The following SLC4A10 variants were observed in gnomAD, a reference collection of about 807,000 sequenced individuals.
SLC4A10 encodes the protein sodium-driven chloride bicarbonate exchanger.
SLC4A10 carries 42 observed loss-of-function variants against 137.7 expected under a neutral mutation model. The observed-to-expected ratio is 0.30, with a 90% CI of 0.24 to 0.39. SLC4A10 has a LOEUF of 0.39. SLC4A10 is among the 10% of genes least tolerant of loss of function. The pLI is 1.00. For missense variants in SLC4A10, 925 were observed against 1,355.0 expected (o/e 0.68, Z 4.98); for synonymous variants, 474 against 464.1 (o/e 1.02, Z -0.27).
intron 16 of SLC4A10, among the ~76,000 whole-genome samples, chr2:161,943,769 A>G (rs1181024114): frequency 6.6e-6 from 1 of 152,020 alleles, no homozygotes; most frequent in African/African-American, 2.4e-5. Flanking sequence ...TATCAGCACA[A>G]AACTATTGAG....
At chr2:161,773,509 A>G (rs921951778) in intron 2 of SLC4A10, among the ~76,000 whole-genome samples, 1 of 151,924 alleles carries the variant, frequency 6.6e-6, no homozygotes, top group Admixed American at 6.6e-5. Flanking sequence ...GCTATTACAG[A>G]TAAACGCGTT....
At chr2:161,786,529 C>T (rs2053641967) in intron 2 of SLC4A10, among the ~76,000 whole-genome samples, 1 of 151,398 alleles carries the variant, frequency 6.6e-6, no homozygotes, top group Non-Finnish European at 1.5e-5. Context: ...CTTATATGAG[C>T]TTTTATGACA....
At chr2:161,927,457 A>C (rs542629341) in intron 15 of SLC4A10, among the ~76,000 whole-genome samples, 11 of 152,252 alleles carry the variant, frequency 7.2e-5, no homozygotes, top group Non-Finnish European at 1.3e-4. Context: ...GGACATAGGC[A>C]TGGGCAAGGA....
chr2:161,911,681 T>C (rs1685884327), intron 15 of SLC4A10, among the ~76,000 whole-genome samples: 1 of 152,132 alleles, frequency 6.6e-6, no homozygotes, highest in African/African-American at 2.4e-5. Context: ...TAATGGTAAA[T>C]CATGGCTATT....
Position 161,879,193 on chromosome 2 carries a change from A to T in SLC4A10, c.1011A>T (p.Gly337=). The change falls in exon 9 of 27, where the codon GGA becomes GGT. Residue 337 remains glycine, a synonymous_variant. Coordinates refer to ENST00000446997, the MANE Select transcript of SLC4A10 (RefSeq NM_001178015.2). The part of the protein sequence containing the change: ...PGAEASNILV[G]ELEFLDRTVV... ...CTGAAGCATCGAACATCTTAGTGGG[A>T]GAACTGGAGTTCTTGGATCGAACAG... is the stretch of plus-strand genomic sequence containing the variant. 6.2e-7 allele frequency: 1 copy of T among 1,613,578 alleles called. No homozygotes were observed. The highest frequency in any genetic ancestry group is 8.5e-7 in the Non-Finnish European group (1 of 1,179,620).
chr2:161,802,127 A>G (rs978578537), intron 2 of SLC4A10, among the ~76,000 whole-genome samples: 1 of 152,094 alleles, frequency 6.6e-6, no homozygotes, highest in Admixed American at 6.6e-5. Context: ...ATAATTTTTC[A>G]CTTGCCTGCA....
chr2:161,814,467 C>A (rs900637807), intron 3 of SLC4A10, among the ~76,000 whole-genome samples: 4 of 152,188 alleles, frequency 2.6e-5, no homozygotes, highest in African/African-American at 9.6e-5. Flanking sequence ...TCAAAAGGCA[C>A]ATGGACACGA....
At chr2:161,740,237 T>G (rs937585130) in intron 1 of SLC4A10, among the ~76,000 whole-genome samples, 1 of 152,210 alleles carries the variant, frequency 6.6e-6, no homozygotes, top group Non-Finnish European at 1.5e-5. Context: ...ATTGGTCAGT[T>G]GAAAGGTACT....
chr2:161,681,828 G>A (rs188284218), intron 1 of SLC4A10, among the ~76,000 whole-genome samples: 58 of 152,180 alleles, frequency 3.8e-4, no homozygotes, highest in African/African-American at 1.3e-3. Context: ...TGGGAAAATG[G>A]GATCATGGAA....
intron 1 of SLC4A10, among the ~76,000 whole-genome samples, chr2:161,704,862 G>A (rs781771126): frequency 1.3e-5 from 2 of 151,372 alleles, no homozygotes; most frequent in African/African-American, 2.4e-5. Context: ...ACATCTTTGA[G>A]CATAAATCTT....
chr2:161,726,674 C>T (rs1458460102), intron 1 of SLC4A10, among the ~76,000 whole-genome samples: 5 of 152,094 alleles, frequency 3.3e-5, no homozygotes, highest in East Asian at 3.9e-4. Context: ...TTTGGGAGGC[C>T]GAGGCAGGCA....
At chr2:161,918,992 C>T (rs955049248) in intron 15 of SLC4A10, among the ~76,000 whole-genome samples, 1 of 152,190 alleles carries the variant, frequency 6.6e-6, no homozygotes, top group Admixed American at 6.5e-5. Flanking sequence ...AAGCCCCCTC[C>T]CCCCATAGGT....
intron 1 of SLC4A10, among the ~76,000 whole-genome samples, chr2:161,625,621 G>C (rs1171471061): frequency 6.6e-6 from 1 of 151,952 alleles, no homozygotes; most frequent in Non-Finnish European, 1.5e-5. Context: ...CCATTCCTAG[G>C]TTTTCAACAA....
chr2:161,942,813 T>A lies in SLC4A10; in HGVS notation c.2019T>A (p.His673Gln). ...TQYSCNCVEP[H>Q]NPSNGTLKEW... ...TCAGGTGTAACTGTGTGGAACCGCA[T>A]AATCCCAGCAATGGCACATTGAAGG... Residue 673 changes from histidine (H) to glutamine (Q), a missense_variant, in exon 16 of 27, where the codon CAT becomes CAA. His to Gln is a conservative substitution (Grantham distance 24, BLOSUM62 0). Coordinates refer to ENST00000446997, the MANE Select transcript of SLC4A10 (RefSeq NM_001178015.2). 1 of 1,604,668 alleles carries A rather than the reference T, an allele frequency of 6.2e-7. No homozygotes were observed. The highest frequency in any genetic ancestry group is 8.5e-7 in the Non-Finnish European group (1 of 1,175,338).
chr2:161,758,128 A>T (rs2049866600), intron 1 of SLC4A10, among the ~76,000 whole-genome samples: 1 of 151,856 alleles, frequency 6.6e-6, no homozygotes, highest in Non-Finnish European at 1.5e-5. Context: ...TATTTTGCTT[A>T]AAATTGCAAT....
At chr2:161,967,483 T>C (rs1697805732) in intron 23 of SLC4A10, among the ~76,000 whole-genome samples, 1 of 152,142 alleles carries the variant, frequency 6.6e-6, no homozygotes, top group South Asian at 2.1e-4. Context: ...GGTATGAAAA[T>C]GCTCAGTGAA....
chr2:161,760,511 T>C (rs1176231374), intron 1 of SLC4A10, among the ~76,000 whole-genome samples: 1 of 152,080 alleles, frequency 6.6e-6, no homozygotes, highest in African/African-American at 2.4e-5. Flanking sequence ...CTTGGCAGTT[T>C]AGCAGCAAAT....
intron 10 of SLC4A10, among the ~76,000 whole-genome samples, chr2:161,893,460 G>T (rs1450066044): frequency 6.6e-6 from 1 of 152,094 alleles, no homozygotes; most frequent in Non-Finnish European, 1.5e-5. Flanking sequence ...ACTTTGGGAG[G>T]CCAAGGTGGA....
intron 6 of SLC4A10, among the ~76,000 whole-genome samples, chr2:161,866,048 C>T (rs2125903547): frequency 6.6e-6 from 1 of 152,096 alleles, no homozygotes; most frequent in South Asian, 2.1e-4. Flanking sequence ...ACATTTTCCT[C>T]CCTAAGCATA....
Sources: gnomAD v4.1 joint callset for allele counts (sites outside exome capture counted in the v4.1 genomes callset) on GRCh38, gnomAD v4.1.1 for gene constraint, MANE v1.5 for transcripts, NCBI Gene and HGNC (gene_info 2026-07-23, HGNC 2026-07-21) for gene names.